The following LY75 variants were observed in gnomAD, a reference collection of about 807,000 sequenced individuals.
The protein encoded by LY75 is C-type lectin domain family 13 member B.
A neutral mutation model predicts 231.7 loss-of-function variants in LY75; 185 were observed. The observed-to-expected ratio is 0.80, with a 90% CI of 0.71 to 0.90. The LOEUF is 0.90. Ranked by LOEUF, LY75 falls within the 40% of genes least tolerant of loss-of-function variation. LY75 has a pLI of 0.00. For missense variants in LY75, 1,947 were observed against 2,050.2 expected, an observed-to-expected ratio of 0.95 and a Z score of 0.97; for synonymous variants, 668 against 689.0, an observed-to-expected ratio of 0.97 and a Z score of 0.48.
intron 14 of LY75, among the ~76,000 whole-genome samples, chr2:159,861,717 G>A (rs1420320079): frequency 6.6e-6 from 1 of 152,142 alleles, no homozygotes; most frequent in East Asian, 1.9e-4. Context: ...TAGCCTGGGT[G>A]ACACAGTGAG....
At chr2:159,809,287 T>C (rs1682882058) in intron 32 of LY75, among the ~76,000 whole-genome samples, 1 of 152,220 alleles carries the variant, frequency 6.6e-6, no homozygotes. Context: ...TTTTACAGTT[T>C]GACTATGGAT....
intron 1 of LY75, among the ~76,000 whole-genome samples, chr2:159,902,078 GAAAT>G (rs1686099927): frequency 1.3e-5 from 2 of 152,142 alleles, no homozygotes; most frequent in African/African-American, 4.8e-5. Context: ...AGCTATTTTA[GAAAT>G]ATACTTTGAA....
intron 29 of LY75, 115 bp downstream of exon 29, chr2:159,819,611 C>G: frequency 7.7e-7 from 1 of 1,301,474 alleles, no homozygotes; most frequent in Non-Finnish European, 1.0e-6. Flanking sequence ...TGTAACACCT[C>G]GCACAGGACT....
At chr2:159,880,481 T>C (rs1685401319) in intron 8 of LY75, among the ~76,000 whole-genome samples, 1 of 152,168 alleles carries the variant, frequency 6.6e-6, no homozygotes, top group South Asian at 2.1e-4. Flanking sequence ...GAAAGGTGGG[T>C]GCAGGCCCTG....
At chr2:159,811,340 A>G (rs1682955693) in intron 31 of LY75, among the ~76,000 whole-genome samples, 1 of 152,112 alleles carries the variant, frequency 6.6e-6, no homozygotes, top group African/African-American at 2.4e-5. Context: ...TTAGCTCTTA[A>G]AAATGCCCCT....
intron 18 of LY75, among the ~76,000 whole-genome samples, chr2:159,854,035 A>T (rs1684477948): frequency 6.8e-6 from 1 of 147,934 alleles, no homozygotes; most frequent in Non-Finnish European, 1.5e-5. Context: ...ATTATTTTGC[A>T]AAGTTACTTA....
chr2:159,828,924 T>A (rs1683565040), intron 28 of LY75, among the ~76,000 whole-genome samples: 1 of 152,184 alleles, frequency 6.6e-6, no homozygotes, highest in African/African-American at 2.4e-5. Context: ...TATGATTTCA[T>A]TTATGTAAAA....
chr2:159,821,771 C>A (rs1175596346), intron 28 of LY75, among the ~76,000 whole-genome samples: 4 of 152,170 alleles, frequency 2.6e-5, no homozygotes, highest in African/African-American at 9.7e-5. Context: ...GGAACAACTC[C>A]AGTGTGCAGC....
chr2:159,837,422 A>G lies in LY75; in HGVS notation c.3508-1777T>C, dbSNP rs1683866194. ...CCAAATACCACATGTTCTCACTTATATAAGTGGGAGCTAAATATTGGGTAC... is the reference window on the plus strand; with the variant it reads ...CCAAATACCACATGTTCTCACTTATGTAAGTGGGAGCTAAATATTGGGTAC... On this transcript the variant is annotated intron_variant, in intron 25 of 34. Transcript: ENST00000263636. Among the ~76,000 whole-genome samples, 3 of 152,252 alleles carry G rather than the reference A, an allele frequency of 2.0e-5. No individual in the cohort carries two copies. The South Asian group carries it at 6.2e-4, about 31-fold the overall frequency.
chr2:159,860,981 C>T (rs552040660), intron 14 of LY75, 92 bp from the exon 15 acceptor site: 17 of 1,352,228 alleles, frequency 1.3e-5, no homozygotes, highest in South Asian at 7.3e-5. Flanking sequence ...CACTCAAGTG[C>T]GTTGATATGC....
Position 159,840,763 on chromosome 2 carries a change from T to G in LY75, c.3473A>C (p.Asn1158Thr). The change falls in exon 25 of 35, where the codon AAC becomes ACC. Residue 1158 changes from asparagine to threonine, a missense_variant. By Grantham distance (65) the Asn-to-Thr change is moderately conservative. Transcript: ENST00000263636. The part of the protein sequence containing the change: ...AFLSVQALLH[N>T]SSLWIGLFSQ... ...GAAGAGTCCGATCCATAAGGAAGAG[T>G]TGTGAAGGAGCGCCTGCACACTGAG... 6.2e-7 allele frequency: 1 copy of G among 1,613,756 alleles called. No individual in the cohort carries two copies. The highest frequency in any genetic ancestry group is 8.5e-7 in the Non-Finnish European group (1 of 1,179,902).
intron 13 of LY75, among the ~76,000 whole-genome samples, chr2:159,866,840 A>G (rs767868457): frequency 2.4e-4 from 37 of 152,132 alleles, no homozygotes; most frequent in Non-Finnish European, 4.7e-4. Flanking sequence ...TATCTTCTTT[A>G]CACAATCCAC....
intron 10 of LY75, 25 bp downstream of exon 10, chr2:159,878,608 A>G: frequency 1.2e-6 from 2 of 1,613,850 alleles, no homozygotes; most frequent in Non-Finnish European, 1.7e-6. Context: ...AAAGTTTATG[A>G]GTACAAGTTT....
At chr2:159,885,031 T>G in intron 6 of LY75, 122 bp downstream of exon 6, 1 of 1,339,522 alleles carries the variant, frequency 7.5e-7, no homozygotes, top group Admixed American at 2.5e-5. Flanking sequence ...AGTACTTTTC[T>G]GTACTGTCAG....
intron 27 of LY75, among the ~76,000 whole-genome samples, chr2:159,833,075 C>T (rs571205125): frequency 6.6e-6 from 1 of 150,874 alleles, no homozygotes; most frequent in East Asian, 1.9e-4. Context: ...CATAGCCTAG[C>T]TTGATTTAAT....
At chr2:159,807,539 A>T (rs976567832) in intron 33 of LY75, 1 of 739,170 alleles carries the variant, frequency 1.4e-6, no homozygotes, top group African/African-American at 1.9e-5. Context: ...CATTAAAGAT[A>T]TGCTGGTGGA....
At position 159,816,899 on chromosome 2, in the gene LY75, C is replaced by G. The variant is rs776178974; in HGVS notation, c.4287G>C (p.Leu1429Phe). Reference protein sequence around the residue: ...LNMCSQSGGHLASVHNQNGQL... With the variant: ...LNMCSQSGGHFASVHNQNGQL... ...GGCCATTTTGGTTGTGAACGCTTGC[C>G]AAGTGACCTCCACTTTGAGAACACA... Residue 1429 changes from leucine (L) to phenylalanine (F), a missense_variant, in exon 30 of 35, where the codon TTG becomes TTC. Physicochemically the swap from Leu to Phe is conservative, Grantham distance 22. Coordinates refer to ENST00000263636, the MANE Select transcript of LY75 (RefSeq NM_002349.4). 1.2e-6 allele frequency: 2 copies of G among 1,614,140 alleles called. No homozygotes were observed. The highest frequency in any genetic ancestry group is 1.7e-5 in the Admixed American group (1 of 60,012).
intron 33 of LY75, 87 bp downstream of exon 33, chr2:159,808,362 A>C: frequency 3.1e-6 from 5 of 1,604,970 alleles, no homozygotes; most frequent in Non-Finnish European, 4.3e-6. Flanking sequence ...ATTAGCCACT[A>C]CTTAACATTC....
At chr2:159,821,115 G>A (rs1413232217) in intron 28 of LY75, among the ~76,000 whole-genome samples, 1 of 151,952 alleles carries the variant, frequency 6.6e-6, no homozygotes, top group Non-Finnish European at 1.5e-5. Context: ...TGCGATTATA[G>A]GCATGAGCCA....
Sources: gnomAD v4.1 joint callset for allele counts (sites outside exome capture counted in the v4.1 genomes callset) on GRCh38, gnomAD v4.1.1 for gene constraint, MANE v1.5 for transcripts, NCBI Gene and HGNC (gene_info 2026-07-23, HGNC 2026-07-21) for gene names.